Variants in GRK5 observed in about 807,000 individuals in gnomAD.
The protein encoded by GRK5 is g protein-coupled receptor kinase GRK5.
GRK5 carries 40 observed loss-of-function variants against 78.4 expected under a neutral mutation model. That is an observed-to-expected ratio of 0.51 (90% CI 0.40 to 0.66). The LOEUF is 0.66. GRK5 is among the 30% of genes least tolerant of loss of function. GRK5 has a pLI of 0.00. For missense variants in GRK5, 598 were observed against 759.9 expected (o/e 0.79, Z 2.50); for synonymous variants, 289 against 296.8 (o/e 0.97, Z 0.27).
At chr10:119,400,671 G>A (rs1448884171) in intron 4 of GRK5, among the ~76,000 whole-genome samples, 1 of 152,164 alleles carries the variant, frequency 6.6e-6, no homozygotes, top group African/African-American at 2.4e-5. Context: ...ATGTTGAGGT[G>A]GCAGCAGTGT....
rs1021771716 is a variant in GRK5 at position 119,458,602 on chromosome 10, T to C, written c.*3535T>C. ...ACCAGCAAGCAGCTGCCGAGACAAA[T>C]GGTGGTGGGAAGTCCTGGGAACACA... On this transcript the variant is annotated 3_prime_UTR_variant, in exon 16 of 16. Coordinates refer to ENST00000392870, the MANE Select transcript of GRK5 (RefSeq NM_005308.3). 6.6e-6 allele frequency: 1 copy of C among 150,608 alleles called. No individual in the cohort carries two copies. The highest frequency in any genetic ancestry group is 2.4e-5 in the African/African-American group (1 of 41,002). The allele number at this position is 150,608 out of a possible 1,614,324, so 9.3% of individuals were successfully genotyped here. A position where few individuals can be genotyped will look rare whatever the true frequency, so the allele number is the denominator to read the frequency against.
intron 3 of GRK5, among the ~76,000 whole-genome samples, chr10:119,394,324 GTATC>G (rs1440414748): frequency 3.4e-4 from 38 of 111,454 alleles, no homozygotes; most frequent in Non-Finnish European, 4.8e-4. Context: ...GTGGGTGTGT[GTATC>G]TGTGTGTCTG....
intron 3 of GRK5, among the ~76,000 whole-genome samples, chr10:119,389,867 G>A (rs2133841209): frequency 6.6e-6 from 1 of 152,044 alleles, no homozygotes; most frequent in East Asian, 1.9e-4. Context: ...GGCTACAGAA[G>A]TGCTTGTGTC....
intron 1 of GRK5, among the ~76,000 whole-genome samples, chr10:119,239,736 GTGT>G (rs1848991879): frequency 6.9e-6 from 1 of 145,076 alleles, no homozygotes; most frequent in Non-Finnish European, 1.5e-5. Flanking sequence ...CTTTGTCCAT[GTGT>G]TGTTATTGTT....
rs973064996 is a variant in GRK5, at chr10:119,412,229, G to A, written c.340-10937G>A. ...ATCACCTTCCTTTGAACTCAAAAGA[G>A]GCACAGTGAGAGCCTTCCAGCCTCG... On this transcript the variant is annotated intron_variant, in intron 4 of 15. Coordinates refer to ENST00000392870, the MANE Select transcript of GRK5 (RefSeq NM_005308.3). This position sits in a 1 kb window ranked among gnomAD's most constrained non-coding sequence, Gnocchi z 4.3. 1.3e-5 allele frequency among the ~76,000 whole-genome samples: 2 copies of A among 152,138 alleles called. No individual in the cohort carries two copies. Among genetic ancestry groups the A allele is most frequent in the African/African-American group, 2.4e-5 (1 of 41,434 alleles).
chr10:119,351,980 T>A (rs181483070), intron 2 of GRK5, among the ~76,000 whole-genome samples: 21 of 152,336 alleles, frequency 1.4e-4, no homozygotes, highest in Admixed American at 3.9e-4. Flanking sequence ...AATTAAAAAG[T>A]GATCCTTCCC....
intron 1 of GRK5, among the ~76,000 whole-genome samples, chr10:119,241,364 T>C (rs1461232173): frequency 2.0e-5 from 3 of 152,184 alleles, no homozygotes; most frequent in Admixed American, 6.5e-5. Context: ...CCAGATGGCC[T>C]TTAGTGCACT....
chr10:119,348,184 A>G lies in GRK5; in HGVS notation c.148+21573A>G, dbSNP rs571047365. Among the ~76,000 whole-genome samples, 5 of 152,266 alleles carry G rather than the reference A, an allele frequency of 3.3e-5. No individual in the cohort carries two copies. In the South Asian group the frequency reaches 8.3e-4, roughly 25 times the overall value. On this transcript the variant is annotated intron_variant, in intron 2 of 15. Coordinates refer to ENST00000392870, the MANE Select transcript of GRK5 (RefSeq NM_005308.3). ...AGTTTCTTTCTACTGCTGGCCACCC[A>G]CATGCATCCCTCTTTCTTCAAACTG...
At chr10:119,447,991 T>G in intron 12 of GRK5, 132 bp from the exon 13 acceptor site, 1 of 1,159,548 alleles carries the variant, frequency 8.6e-7, no homozygotes, top group East Asian at 2.9e-5. Context: ...GAGGCAGCCC[T>G]GAAGCAAGAC....
intron 1 of GRK5, among the ~76,000 whole-genome samples, chr10:119,232,837 C>T (rs550909956): frequency 6.6e-6 from 1 of 152,272 alleles, no homozygotes; most frequent in African/African-American, 2.4e-5. Context: ...GAGACTAATA[C>T]ACTAGCACAA....
intron 2 of GRK5, among the ~76,000 whole-genome samples, chr10:119,331,117 C>T (rs577540120): frequency 1.3e-5 from 2 of 152,260 alleles, no homozygotes; most frequent in South Asian, 4.2e-4. Context: ...TTTTTCTGTC[C>T]ATGGACCACC....
Position 119,431,618 on chromosome 10 carries a change from C to A in GRK5, c.738+91C>A, listed in dbSNP as rs1024395392. The A allele has an allele frequency of 6.9e-7, 1 of 1,446,150 alleles. No homozygotes were observed. Among genetic ancestry groups the A allele is most frequent in the Non-Finnish European group, 9.3e-7 (1 of 1,073,750 alleles). 89.6% of individuals were successfully genotyped at this position (1,446,150 alleles called of 1,614,324 possible). A position where few individuals can be genotyped will look rare whatever the true frequency, so the allele number is the denominator to read the frequency against. On this transcript the variant is annotated intron_variant, in intron 8 of 15. Transcript: ENST00000392870. The surrounding 1 kb of genome is among the most constrained non-coding windows in gnomAD (Gnocchi z 4.8). ...GAAGGGCGTGGTCCTCTAATGCGGC[C>A]GGTCCCCACCCCTGGGAAGGGGAAT...
intron 1 of GRK5, among the ~76,000 whole-genome samples, chr10:119,262,464 G>T (rs964256507): frequency 6.8e-6 from 1 of 147,736 alleles, no homozygotes; most frequent in African/African-American, 2.5e-5. Context: ...TCAGCCCCCC[G>T]AGTAGCTGGG....
At chr10:119,261,710 A>C (rs1299332267) in intron 1 of GRK5, among the ~76,000 whole-genome samples, 2 of 152,260 alleles carry the variant, frequency 1.3e-5, no homozygotes, top group African/African-American at 2.4e-5. Context: ...CAGCCCGGCC[A>C]ACACAGCGAA....
At chr10:119,424,960 A>G (rs1852644039) in intron 5 of GRK5, 33 bp from the exon 6 acceptor site, 14 of 1,459,398 alleles carry the variant, frequency 9.6e-6, no homozygotes, top group Non-Finnish European at 1.3e-5. Context: ...TCGGGATTAT[A>G]AAATGTTCAT....
At chr10:119,211,424 G>A (rs1478520202) in intron 1 of GRK5, 2 of 152,120 alleles carry the variant, frequency 1.3e-5, no homozygotes, top group Non-Finnish European at 2.9e-5. Flanking sequence ...CCTTTTGTGT[G>A]TTTCTTTTTG....
intron 1 of GRK5, among the ~76,000 whole-genome samples, chr10:119,257,777 T>C (rs376453039): frequency 7.2e-4 from 110 of 152,244 alleles, no homozygotes; most frequent in Middle Eastern, 3.4e-3. Context: ...CTGAGCCCAC[T>C]GGTGAAAAGG....
rs186644809 is a variant in GRK5 at position 119,315,075 on chromosome 10, C to T, written c.53-11441C>T. On this transcript the variant is annotated intron_variant, in intron 1 of 15. Coordinates refer to ENST00000392870, the MANE Select transcript of GRK5 (RefSeq NM_005308.3). ...TCTTCAAGAAAACTCTTGACAGAAGCGGCTCTGCGCCCTGTCCTGGTGTAA... is the reference window on the plus strand; with the variant it reads ...TCTTCAAGAAAACTCTTGACAGAAGTGGCTCTGCGCCCTGTCCTGGTGTAA... Among the ~76,000 whole-genome samples, 385 of 152,260 alleles carry T rather than the reference C, an allele frequency of 2.5e-3. 1 individual carries two copies. Among genetic ancestry groups the T allele is most frequent in the African/African-American group, 8.7e-3 (363 of 41,542 alleles).
intron 1 of GRK5, among the ~76,000 whole-genome samples, chr10:119,215,783 A>G (rs547106760): frequency 1.1e-4 from 17 of 152,186 alleles, no homozygotes; most frequent in Non-Finnish European, 2.4e-4. Context: ...TTCCTTCTTG[A>G]AATTCTTAAT....
Sources: allele counts gnomAD v4.1 joint callset (sites outside exome capture counted in the v4.1 genomes callset), GRCh38; gene constraint gnomAD v4.1.1; non-coding constraint Gnocchi (gnomAD v3.1); transcripts MANE v1.5; gene names NCBI Gene and HGNC (gene_info 2026-07-23, HGNC 2026-07-21).